TOX: variants seen among roughly 807,000 people sequenced by gnomAD.
The protein encoded by TOX is thymocyte selection associated high mobility group box, also known as thymocyte selection-associated high mobility group box protein TOX.
In TOX, 11 loss-of-function variants were observed where a neutral mutation model predicts 53.7. The ratio of observed to expected loss-of-function variants is 0.20; its 90% CI spans 0.13 to 0.34. The LOEUF (loss-of-function observed/expected upper bound fraction) is 0.34. Ranked by LOEUF, TOX falls within the 10% of genes least tolerant of loss-of-function variation. The pLI, the probability that TOX is intolerant of heterozygous loss-of-function variation, is 1.00. For missense variants in TOX, 570 were observed against 664.6 expected, an observed-to-expected ratio of 0.86 and a Z score of 1.56; for synonymous variants, 225 against 245.3, an observed-to-expected ratio of 0.92 and a Z score of 0.77.
intron 3 of TOX, among the ~76,000 whole-genome samples, chr8:58,920,357 C>A (rs1389127622): frequency 1.0e-4 from 3 of 29,828 alleles, no homozygotes; most frequent in African/African-American, 2.9e-4. Flanking sequence ...CACATATACA[C>A]CATGGAATAC....
At chr8:59,055,477 C>T (rs1803873612) in intron 1 of TOX, among the ~76,000 whole-genome samples, 1 of 152,178 alleles carries the variant, frequency 6.6e-6, no homozygotes, top group African/African-American at 2.4e-5. Flanking sequence ...AGCCAGGAGG[C>T]AGTGGCTAGT....
At chr8:58,988,923 T>C (rs1813388490) in intron 1 of TOX, among the ~76,000 whole-genome samples, 1 of 152,188 alleles carries the variant, frequency 6.6e-6, no homozygotes, top group African/African-American at 2.4e-5. Flanking sequence ...AACAAGGAAG[T>C]CATTTATTCC....
At chr8:58,905,520 A>G (rs1230260886) in intron 3 of TOX, among the ~76,000 whole-genome samples, 1 of 152,228 alleles carries the variant, frequency 6.6e-6, no homozygotes, top group African/African-American at 2.4e-5. Flanking sequence ...GAGAGTGACC[A>G]TGGTCATTAC....
chr8:58,827,732 T>TG (rs1157568436), intron 5 of TOX, among the ~76,000 whole-genome samples: 1 of 152,224 alleles, frequency 6.6e-6, no homozygotes, highest in Non-Finnish European at 1.5e-5. Context: ...CTTGCTTGTA[T>TG]GCTAAAGGTC....
At chr8:59,076,741 A>G (rs965004656) in intron 1 of TOX, among the ~76,000 whole-genome samples, 6 of 152,326 alleles carry the variant, frequency 3.9e-5, no homozygotes, top group South Asian at 4.1e-4. Flanking sequence ...CTATTCAAAA[A>G]CATGCTCTCT....
intron 3 of TOX, among the ~76,000 whole-genome samples, chr8:58,860,259 T>C (rs1412229729): frequency 6.6e-6 from 1 of 152,148 alleles, no homozygotes; most frequent in Admixed American, 6.5e-5. Context: ...GAGGATAATT[T>C]TTCACCAACA....
intron 1 of TOX, among the ~76,000 whole-genome samples, chr8:58,974,315 C>T (rs551283912): frequency 6.6e-6 from 1 of 152,132 alleles, no homozygotes; most frequent in Non-Finnish European, 1.5e-5. Flanking sequence ...TTGAGAAACC[C>T]TTGTCTATGT....
At position 58,851,243 on chromosome 8, in the gene TOX, C is replaced by T. The variant is rs1484333346; in HGVS notation, c.693+281G>A. ...TCATTGTACCCCAGTATACTGCCTT[C>T]TTAAAATGGTACATTGAATATACAG... On this transcript the variant is annotated intron_variant, in intron 4 of 8. Transcript: ENST00000361421. The surrounding 1 kb of genome is among the most constrained non-coding windows in gnomAD (Gnocchi z 4.4). Among the ~76,000 whole-genome samples the T allele has an allele frequency of 6.6e-6, 1 of 150,812 alleles. No homozygotes were observed. Among genetic ancestry groups the T allele is most frequent in the Non-Finnish European group, 1.5e-5 (1 of 67,780 alleles).
At chr8:58,930,981 T>A (rs980155226) in intron 3 of TOX, among the ~76,000 whole-genome samples, 2 of 152,194 alleles carry the variant, frequency 1.3e-5, no homozygotes, top group African/African-American at 4.8e-5. Flanking sequence ...TTTTTATTCA[T>A]CTTTGTTTGC....
At chr8:59,103,366 T>A (rs1230789975) in intron 1 of TOX, among the ~76,000 whole-genome samples, 2 of 152,222 alleles carry the variant, frequency 1.3e-5, no homozygotes, top group African/African-American at 4.8e-5. Context: ...AAGAGTATTA[T>A]GTTGTGTCAT....
chr8:58,996,611 A>G (rs1038930584), intron 1 of TOX, among the ~76,000 whole-genome samples: 1 of 152,074 alleles, frequency 6.6e-6, no homozygotes, highest in Non-Finnish European at 1.5e-5. Flanking sequence ...CTGTACCTTT[A>G]TGTTGTTTTG....
At chr8:58,997,533 G>T (rs954832097) in intron 1 of TOX, among the ~76,000 whole-genome samples, 18 of 152,282 alleles carry the variant, frequency 1.2e-4, no homozygotes, top group Admixed American at 7.8e-4. Flanking sequence ...TCATCAGCCT[G>T]CCAAGTGCGC....
Position 58,838,225 on chromosome 8 carries a change from C to T in TOX, c.780G>A (p.Glu260=), listed in dbSNP as rs1214129146. Reference sequence around the variant, plus strand: ...CATAGGCAGACACAGGCTTCTGGGGCTCATTGGGATCCTTCTTCTTCTTCT... The same window carrying T: ...CATAGGCAGACACAGGCTTCTGGGGTTCATTGGGATCCTTCTTCTTCTTCT... ...PKKKKKKDPN[E]PQKPVSAYAL... The change falls in exon 5 of 9, where the codon GAG becomes GAA. Residue 260 remains glutamate (E), a synonymous_variant. Coordinates refer to ENST00000361421, the MANE Select transcript of TOX (RefSeq NM_014729.3). 2 of 1,614,172 alleles carry T rather than the reference C, an allele frequency of 1.2e-6. No homozygotes were observed. The highest frequency in any genetic ancestry group is 1.6e-4 in the Middle Eastern group (1 of 6,062).
At chr8:58,820,085 A>G (rs1262905267) in intron 6 of TOX, among the ~76,000 whole-genome samples, 1 of 152,174 alleles carries the variant, frequency 6.6e-6, no homozygotes, top group East Asian at 1.9e-4. Context: ...CCATTTGCAA[A>G]TTCAGACTCA....
chr8:58,893,160 A>T (rs962431873), intron 3 of TOX, among the ~76,000 whole-genome samples: 1 of 152,110 alleles, frequency 6.6e-6, no homozygotes, highest in Non-Finnish European at 1.5e-5. Flanking sequence ...ATAATTTTGC[A>T]TGGGAATCAT....
chr8:58,910,676 C>T (rs1050103731), intron 3 of TOX, among the ~76,000 whole-genome samples: 3 of 152,198 alleles, frequency 2.0e-5, no homozygotes, highest in East Asian at 1.9e-4. Context: ...ATGTATTTAT[C>T]AAGCACCTTT....
chr8:58,937,244 T>C (rs921567187), intron 3 of TOX, among the ~76,000 whole-genome samples: 2 of 152,218 alleles, frequency 1.3e-5, no homozygotes, highest in East Asian at 3.8e-4. Flanking sequence ...TTCATTCCTT[T>C]ATCTTAGGCC....
At chr8:58,925,656 G>A (rs1400981279) in intron 3 of TOX, among the ~76,000 whole-genome samples, 3 of 152,150 alleles carry the variant, frequency 2.0e-5, no homozygotes, top group Non-Finnish European at 4.4e-5. Context: ...TCACTGCATG[G>A]TAATTGGAAC....
At chr8:59,068,683 G>C (rs765050770) in intron 1 of TOX, among the ~76,000 whole-genome samples, 1 of 152,148 alleles carries the variant, frequency 6.6e-6, no homozygotes, top group Non-Finnish European at 1.5e-5. Flanking sequence ...TTAGGAAACT[G>C]AGGCACAGGC....
Sources: allele counts gnomAD v4.1 joint callset (sites outside exome capture counted in the v4.1 genomes callset), GRCh38; gene constraint gnomAD v4.1.1; non-coding constraint Gnocchi (gnomAD v3.1); transcripts MANE v1.5; gene names NCBI Gene and HGNC (gene_info 2026-07-23, HGNC 2026-07-21).